ARL6IP5: variants seen among roughly 807,000 people sequenced by gnomAD.
ARL6IP5 encodes the protein ARF like GTPase 6 interacting protein 5, also known as PRA1 family protein 3.
A neutral mutation model predicts 13.0 loss-of-function variants in ARL6IP5; 6 were observed. The observed-to-expected ratio is 0.46, with a 90% CI of 0.25 to 0.91. The LOEUF (loss-of-function observed/expected upper bound fraction) is 0.91. Among genes scored for constraint, ARL6IP5 ranks in the 40% least tolerant of loss-of-function variants. The pLI is 0.17. For synonymous variants in ARL6IP5, 91 were observed against 91.9 expected, an observed-to-expected ratio of 0.99 and a Z score of 0.06; for missense variants, 208 against 248.8, an observed-to-expected ratio of 0.84 and a Z score of 1.10.
At chr3:69,096,087 AT>A (rs1395343793) in intron 1 of ARL6IP5, among the ~76,000 whole-genome samples, 1 of 152,164 alleles carries the variant, frequency 6.6e-6, no homozygotes, top group Non-Finnish European at 1.5e-5. Flanking sequence ...GTGCCAGGGC[AT>A]TGGAGTGGTA....
At chr3:69,092,085 T>G (rs1274671996) in intron 1 of ARL6IP5, among the ~76,000 whole-genome samples, 2 of 152,108 alleles carry the variant, frequency 1.3e-5, no homozygotes, top group Non-Finnish European at 2.9e-5. Flanking sequence ...TCTCTTGAAA[T>G]GAGCGTGGCT....
At chr3:69,103,481 G>A (rs983285471) in intron 2 of ARL6IP5, among the ~76,000 whole-genome samples, 13 of 152,122 alleles carry the variant, frequency 8.5e-5, no homozygotes, top group Non-Finnish European at 1.2e-4. Context: ...ACATTTCCCA[G>A]CCACATCTTT....
At chr3:69,094,481 G>A (rs866215082) in intron 1 of ARL6IP5, among the ~76,000 whole-genome samples, 4 of 152,126 alleles carry the variant, frequency 2.6e-5, no homozygotes, top group African/African-American at 9.7e-5. Flanking sequence ...TATTTGCAGT[G>A]ATCCCTCTGG....
chr3:69,090,231 G>T (rs2092261053), intron 1 of ARL6IP5, among the ~76,000 whole-genome samples: 1 of 152,188 alleles, frequency 6.6e-6, no homozygotes, highest in African/African-American at 2.4e-5. Flanking sequence ...AGAATGAGTT[G>T]CAGTCTGTTT....
intron 1 of ARL6IP5, among the ~76,000 whole-genome samples, chr3:69,101,381 G>C (rs1391176998): frequency 1.4e-5 from 2 of 147,478 alleles, no homozygotes; most frequent in African/African-American, 2.5e-5. Flanking sequence ...GGAGTGCAGT[G>C]GGGGAATCTT....
rs755761324 is a variant in ARL6IP5 at position 69,085,027 on chromosome 3, G to A, written c.-21G>A. 4 of 1,607,918 alleles carry A rather than the reference G, an allele frequency of 2.5e-6. No individual in the cohort carries two copies. In the Admixed American group the frequency reaches 6.7e-5, roughly 27 times the overall value. On this transcript the variant is annotated 5_prime_UTR_variant, in exon 1 of 3. Transcript: ENST00000273258. ...GCCGCCGCCGCCAGATTCTGGAGGC[G>A]AAGAACGCAAAGCTGAGAACATGGA...
intron 1 of ARL6IP5, 109 bp from the exon 2 acceptor site, chr3:69,101,730 G>A: frequency 3.4e-6 from 3 of 872,062 alleles, no homozygotes; most frequent in South Asian, 1.5e-5. Context: ...TTTAGATAAA[G>A]TATTAAAGTA....
intron 2 of ARL6IP5, among the ~76,000 whole-genome samples, chr3:69,102,593 A>C (rs1398272984): frequency 6.6e-6 from 1 of 152,170 alleles, no homozygotes; most frequent in Non-Finnish European, 1.5e-5. Context: ...ACACAACAGT[A>C]AACAGAACAA....
At chr3:69,097,030 AT>A (rs985085512) in intron 1 of ARL6IP5, among the ~76,000 whole-genome samples, 7 of 151,986 alleles carry the variant, frequency 4.6e-5, no homozygotes, top group Non-Finnish European at 8.8e-5. Context: ...TTAAATACCA[AT>A]TTTTTTTATT....
intron 2 of ARL6IP5, among the ~76,000 whole-genome samples, chr3:69,102,815 A>G (rs2092310396): frequency 6.6e-6 from 1 of 152,236 alleles, no homozygotes; most frequent in Non-Finnish European, 1.5e-5. Context: ...GTCTATAGGA[A>G]TAATTGGCTC....
At chr3:69,104,174 G>T (rs906299524) in intron 2 of ARL6IP5, among the ~76,000 whole-genome samples, 7 of 152,166 alleles carry the variant, frequency 4.6e-5, no homozygotes, top group African/African-American at 1.7e-4. Flanking sequence ...AGTAGCATCT[G>T]CAAGGTGATG....
intron 1 of ARL6IP5, among the ~76,000 whole-genome samples, chr3:69,086,424 C>T (rs956425842): frequency 6.6e-6 from 1 of 152,200 alleles, no homozygotes; most frequent in South Asian, 2.1e-4. Context: ...TCACAGTTTC[C>T]GAGTATGGTT....
chr3:69,091,201 AAAAT>A (rs1575858870), intron 1 of ARL6IP5, among the ~76,000 whole-genome samples: 1 of 152,312 alleles, frequency 6.6e-6, no homozygotes, highest in Non-Finnish European at 1.5e-5. Context: ...CGCCGTGTAA[AAAAT>A]AAATAAGTAA....
chr3:69,105,220 G>T lies in ARL6IP5; in HGVS notation c.*584G>T. On this transcript the variant is annotated 3_prime_UTR_variant, in exon 3 of 3. Transcript: ENST00000273258. The stretch of plus-strand genomic sequence containing the variant: ...TACAAATATAAAGATAGCTGTTTAG[G>T]ATATTTTGTTACATTTTTGTAAATT... 4.5e-6 allele frequency: 1 copy of T among 224,452 alleles called. No homozygotes were observed. 13.9% of individuals were successfully genotyped at this position (224,452 alleles called of 1,614,324 possible).
At chr3:69,094,133 C>A (rs2092279118) in intron 1 of ARL6IP5, among the ~76,000 whole-genome samples, 1 of 152,134 alleles carries the variant, frequency 6.6e-6, no homozygotes, top group African/African-American at 2.4e-5. Flanking sequence ...TAGATAGAAA[C>A]CCTGAGTGGA....
At chr3:69,100,454 TA>T in intron 1 of ARL6IP5, among the ~76,000 whole-genome samples, 1 of 152,126 alleles carries the variant, frequency 6.6e-6, no homozygotes, top group Middle Eastern at 3.4e-3. Flanking sequence ...GCAGGTTATG[TA>T]AGAGAGCGAT....
Position 69,104,961 on chromosome 3 carries a change from ATCTT to A in ARL6IP5, c.*326_*329del. On this transcript the variant is annotated 3_prime_UTR_variant, in exon 3 of 3. Coordinates refer to ENST00000273258, the MANE Select transcript of ARL6IP5 (RefSeq NM_006407.4). ...CGGCTTTTACAGCAACAATACGATTATCTTATAGGAAAAAAAAAATCATTGTAAA... is the reference window on the plus strand; with the variant it reads ...CGGCTTTTACAGCAACAATACGATTAATAGGAAAAAAAAAATCATTGTAAA... 1.5e-6 allele frequency: 1 copy of A among 673,854 alleles called. No individual in the cohort carries two copies. The highest frequency in any genetic ancestry group is 2.4e-5 in the Admixed American group (1 of 41,480). 41.7% of individuals were successfully genotyped at this position (673,854 alleles called of 1,614,324 possible). A position where few individuals can be genotyped will look rare whatever the true frequency, so the allele number is the denominator to read the frequency against.
At chr3:69,091,468 A>AT (rs1005591544) in intron 1 of ARL6IP5, among the ~76,000 whole-genome samples, 16 of 150,064 alleles carry the variant, frequency 1.1e-4, no homozygotes, top group Middle Eastern at 3.4e-3. Flanking sequence ...TAATTGTTGT[A>AT]TTTTTTTTTG....
chr3:69,092,835 T>A (rs75808017), intron 1 of ARL6IP5, among the ~76,000 whole-genome samples: 6 of 149,068 alleles, frequency 4.0e-5, no homozygotes, highest in African/African-American at 4.9e-5. Flanking sequence ...TTTTTTTTTT[T>A]AATTTTCTAA....
Sources: allele counts gnomAD v4.1 joint callset (sites outside exome capture counted in the v4.1 genomes callset), GRCh38; gene constraint gnomAD v4.1.1; transcripts MANE v1.5; gene names NCBI Gene and HGNC (gene_info 2026-07-23, HGNC 2026-07-21).